VPS13D: variants seen among roughly 807,000 people sequenced by gnomAD.
VPS13D encodes the protein intermembrane lipid transfer protein VPS13D.
A neutral mutation model predicts 461.9 loss-of-function variants in VPS13D; 187 were observed. The observed-to-expected ratio is 0.40, with a 90% CI of 0.36 to 0.46. The LOEUF (loss-of-function observed/expected upper bound fraction) is 0.46. Among genes scored for constraint, VPS13D ranks in the 20% least tolerant of loss-of-function variants. The pLI is 0.60. For synonymous variants in VPS13D, 1,951 were observed against 1,986.3 expected, an observed-to-expected ratio of 0.98 and a Z score of 0.47; for missense variants, 4,711 against 5,364.9, an observed-to-expected ratio of 0.88 and a Z score of 3.81.
intron 1 of VPS13D, among the ~76,000 whole-genome samples, chr1:12,232,958 G>A (rs1029803248): frequency 6.6e-6 from 1 of 151,302 alleles, no homozygotes; most frequent in African/African-American, 2.4e-5. Flanking sequence ...TAAAGAATGT[G>A]AATTCTCCCC....
intron 65 of VPS13D, among the ~76,000 whole-genome samples, chr1:12,431,883 A>G (rs1282891578): frequency 2.6e-5 from 4 of 152,178 alleles, no homozygotes; most frequent in Non-Finnish European, 4.4e-5. Flanking sequence ...GCCCCCATGA[A>G]AAGAAAGAAA....
At position 12,505,844 on chromosome 1, in the gene VPS13D, C is replaced by T. The variant is rs116708731; in HGVS notation, c.12795-1009C>T. 0.011 allele frequency among the ~76,000 whole-genome samples: 1,604 copies of T among 152,260 alleles called. 29 individuals are homozygous for T. Among genetic ancestry groups the T allele is most frequent in the African/African-American group, 0.036 (1,498 of 41,558 alleles). On this transcript the variant is annotated intron_variant, in intron 68 of 69. Transcript: ENST00000620676. The surrounding 1 kb of genome is among the most constrained non-coding windows in gnomAD (Gnocchi z 4.2). ...GCGTCCTGCACGGACCCCAAGTGAG[C>T]GAGGGCCCGGCAGCCTGCTCCCCTC...
chr1:12,261,753 TA>T, intron 12 of VPS13D, 147 bp from the exon 13 acceptor site: 1 of 657,152 alleles, frequency 1.5e-6, no homozygotes, highest in Non-Finnish European at 2.5e-6. Flanking sequence ...GGAAATATTA[TA>T]AAATAGTCAC....
intron 51 of VPS13D, 57 bp downstream of exon 51, chr1:12,362,907 G>C: frequency 5.0e-6 from 8 of 1,608,988 alleles, no homozygotes; most frequent in Non-Finnish European, 6.8e-6. Context: ...GAGTTTTAAT[G>C]TCATCTTCTG....
intron 22 of VPS13D, among the ~76,000 whole-genome samples, chr1:12,288,990 T>C (rs1642050796): frequency 6.6e-6 from 1 of 152,128 alleles, no homozygotes; most frequent in Admixed American, 6.5e-5. Flanking sequence ...TACAGGTGCA[T>C]GCCACCATGC....
intron 13 of VPS13D, among the ~76,000 whole-genome samples, chr1:12,263,144 C>T (rs235210): frequency 0.055 from 8,395 of 152,206 alleles, 508 homozygotes; most frequent in African/African-American, 0.15. Context: ...CTCTAATACT[C>T]ATATTTTTTT....
At chr1:12,508,871 C>T (rs1646148609) in intron 69 of VPS13D, 22 bp from the exon 70 acceptor site, 1 of 1,610,474 alleles carries the variant, frequency 6.2e-7, no homozygotes, top group Admixed American at 1.7e-5. Context: ...GGACAGGTGA[C>T]CCATCCTGTT....
At chr1:12,250,648 A>G (rs968518342) in intron 6 of VPS13D, among the ~76,000 whole-genome samples, 2 of 152,192 alleles carry the variant, frequency 1.3e-5, no homozygotes, top group African/African-American at 4.8e-5. Flanking sequence ...CCATGATTTA[A>G]CTCATTTAAT....
At position 12,392,128 on chromosome 1, in the gene VPS13D, C is replaced by T. The variant is rs116671451; in HGVS notation, c.11634+5794C>T. ...CTGCCCGCCTAGGCCTCCCAGGGTC[C>T]TGGGATTATAGGTGTGAGCCACTGC... is the stretch of plus-strand genomic sequence containing the variant. On this transcript the variant is annotated intron_variant, in intron 60 of 69. Transcript: ENST00000620676. Among the ~76,000 whole-genome samples the T allele has an allele frequency of 8.5e-3, 1,300 of 152,244 alleles. 22 individuals are homozygous for T. The highest frequency in any genetic ancestry group is 0.028 in the African/African-American group (1,183 of 41,550).
intron 67 of VPS13D, among the ~76,000 whole-genome samples, chr1:12,471,601 A>C (rs895945922): frequency 2.6e-5 from 4 of 152,184 alleles, no homozygotes; most frequent in Non-Finnish European, 5.9e-5. Flanking sequence ...ATTTGACTTC[A>C]TGTTGTTATA....
chr1:12,390,149 C>A (rs1343289762), intron 60 of VPS13D, among the ~76,000 whole-genome samples: 1 of 152,180 alleles, frequency 6.6e-6, no homozygotes, highest in South Asian at 2.1e-4. Flanking sequence ...GTTGCAGGAA[C>A]AGAAAGCAAA....
At chr1:12,381,521 A>G (rs1644271307) in intron 57 of VPS13D, among the ~76,000 whole-genome samples, 1 of 152,240 alleles carries the variant, frequency 6.6e-6, no homozygotes. Context: ...CCGTACTTCT[A>G]TAATTGAATC....
rs1039166441 is a variant in VPS13D at position 12,239,326 on chromosome 1, A to T, written c.98-3187A>T. On this transcript the variant is annotated intron_variant, in intron 2 of 69. Coordinates refer to ENST00000620676, the MANE Select transcript of VPS13D (RefSeq NM_015378.4). ...GCTATTTGTTTTATTTTTTGTAGAG[A>T]TGGGGTTTTACCATGTTGCCAAGGC... Among the ~76,000 whole-genome samples, 46 of 151,990 alleles carry T rather than the reference A, an allele frequency of 3.0e-4. 2 individuals are homozygous for T. The highest frequency in any genetic ancestry group is 2.1e-3 in the Admixed American group (32 of 15,258).
intron 65 of VPS13D, among the ~76,000 whole-genome samples, chr1:12,447,980 A>G (rs1645215402): frequency 6.6e-6 from 1 of 152,232 alleles, no homozygotes; most frequent in Non-Finnish European, 1.5e-5. Context: ...GGGGAGAAAG[A>G]GGAGGGAACC....
intron 31 of VPS13D, 108 bp from the exon 32 acceptor site, chr1:12,319,389 T>A: frequency 6.8e-7 from 1 of 1,469,326 alleles, no homozygotes; most frequent in Non-Finnish European, 9.3e-7. Flanking sequence ...AAAATCTTAC[T>A]GGTTCATGTT....
rs368782265 is a variant in VPS13D at position 12,507,144 on chromosome 1, A to C, written c.13035+51A>C. 6.9e-5 allele frequency: 111 copies of C among 1,611,216 alleles called. No individual in the cohort carries two copies. The highest frequency in any genetic ancestry group is 9.3e-5 in the Non-Finnish European group (110 of 1,178,452). ...CCTGAGGGGCGGGGCCAGGGCCTCG[A>C]TGCCTCTGCCCTGCTTCCCCGTCCT... On this transcript the variant is annotated intron_variant, in intron 69 of 69. Transcript: ENST00000620676. The surrounding 1 kb of genome is among the most constrained non-coding windows in gnomAD (Gnocchi z 5.3).
At position 12,497,557 on chromosome 1, in the gene VPS13D, T is replaced by C; in HGVS notation, c.12720T>C (p.Leu4240=). Residue 4240 remains leucine, a synonymous_variant, in exon 68 of 70, where the codon CTT becomes CTC. Coordinates refer to ENST00000620676, the MANE Select transcript of VPS13D (RefSeq NM_015378.4). ...PRCCTGPQGL[L]PRYSESQAEG... Reference sequence around the variant, plus strand: ...GCTGCACGGGGCCCCAGGGGCTGCTTCCCCGATATTCTGAGAGCCAGGCGG... The same window carrying C: ...GCTGCACGGGGCCCCAGGGGCTGCTCCCCCGATATTCTGAGAGCCAGGCGG... The C allele has an allele frequency of 6.2e-7, 1 of 1,614,074 alleles. No individual in the cohort carries two copies.
intron 49 of VPS13D, 120 bp downstream of exon 49, chr1:12,356,644 A>G (rs1170957302): frequency 2.2e-6 from 3 of 1,338,272 alleles, no homozygotes; most frequent in Non-Finnish European, 3.0e-6. Context: ...CTGACTTGGC[A>G]GGGGAATAGA....
At position 12,322,562 on chromosome 1, in the gene VPS13D, A is replaced by G. The variant is rs1480898262; in HGVS notation, c.7731A>G (p.Arg2577=). The change falls in exon 34 of 70, where the codon AGA becomes AGG. Residue 2577 remains arginine, a synonymous_variant. Coordinates refer to ENST00000620676, the MANE Select transcript of VPS13D (RefSeq NM_015378.4). ...TTCAGTTACAAGCCCTGGATATCAG[A>G]CTCTCCTATAATGATGTTCAGCTGT... ...LEIQLQALDI[R]LSYNDVQLFL... 2 of 1,614,008 alleles carry G rather than the reference A, an allele frequency of 1.2e-6. No homozygotes were observed. Among genetic ancestry groups the G allele is most frequent in the Non-Finnish European group, 1.7e-6 (2 of 1,180,024 alleles).
Sources: allele counts gnomAD v4.1 joint callset (sites outside exome capture counted in the v4.1 genomes callset), GRCh38; gene constraint gnomAD v4.1.1; non-coding constraint Gnocchi (gnomAD v3.1); transcripts MANE v1.5; gene names NCBI Gene and HGNC (gene_info 2026-07-23, HGNC 2026-07-21).